The following CSMD1 variants were observed in gnomAD, a reference collection of about 807,000 sequenced individuals.
CSMD1 encodes the protein CUB and Sushi multiple domains 1.
CSMD1 carries 213 observed loss-of-function variants against 417.5 expected under a neutral mutation model. The observed-to-expected ratio is 0.51, with a 90% CI of 0.46 to 0.57. CSMD1 has a LOEUF of 0.57. Among genes scored for constraint, CSMD1 ranks in the 20% least tolerant of loss-of-function variants. The probability of loss-of-function intolerance (pLI) is 0.00; values close to 1 mark genes in which losing one functional copy is unlikely to be tolerated. For synonymous variants in CSMD1, 2,862 were observed against 1,736.8 expected (o/e 1.65, Z -16.11); for missense variants, 6,923 against 4,529.7 (o/e 1.53, Z -15.17).
intron 10 of CSMD1, among the ~76,000 whole-genome samples, chr8:3,523,525 G>GCA (rs375381582): frequency 1.3e-5 from 2 of 151,794 alleles, no homozygotes; most frequent in Admixed American, 1.3e-4. Context: ...GTGAAAATAT[G>GCA]CACACACACA....
intron 3 of CSMD1, among the ~76,000 whole-genome samples, chr8:4,376,323 G>C (rs931917432): frequency 6.6e-6 from 1 of 152,160 alleles, no homozygotes; most frequent in Non-Finnish European, 1.5e-5. Flanking sequence ...ACATTTTCAA[G>C]AAGAGAATAA....
At chr8:3,904,124 C>G (rs937413960) in intron 5 of CSMD1, among the ~76,000 whole-genome samples, 4 of 152,128 alleles carry the variant, frequency 2.6e-5, no homozygotes, top group African/African-American at 9.6e-5. Context: ...GTAATTCGGC[C>G]TTGTAATTAT....
intron 55 of CSMD1, among the ~76,000 whole-genome samples, chr8:2,975,361 A>G (rs1804827440): frequency 6.6e-6 from 1 of 152,242 alleles, no homozygotes; most frequent in South Asian, 2.1e-4. Context: ...AATGAGGGCT[A>G]GCAATGGACA....
intron 41 of CSMD1, among the ~76,000 whole-genome samples, chr8:3,125,656 A>C (rs115049699): frequency 0.021 from 3,255 of 152,292 alleles, 124 homozygotes; most frequent in African/African-American, 0.074. Flanking sequence ...TAGTTCTATA[A>C]GAGTTGTTGT....
chr8:4,196,601 C>T (rs1423897751), intron 3 of CSMD1, among the ~76,000 whole-genome samples: 1 of 152,162 alleles, frequency 6.6e-6, no homozygotes, highest in Non-Finnish European at 1.5e-5. Flanking sequence ...TCATAGCCTT[C>T]TTTGTGAATC....
chr8:4,430,056 G>A (rs1279745120), intron 2 of CSMD1, among the ~76,000 whole-genome samples: 1 of 152,136 alleles, frequency 6.6e-6, no homozygotes, highest in Non-Finnish European at 1.5e-5. Flanking sequence ...GAATCAACCA[G>A]GAAGTATAAA....
intron 3 of CSMD1, among the ~76,000 whole-genome samples, chr8:4,269,883 G>C (rs982264059): frequency 6.6e-6 from 1 of 152,144 alleles, no homozygotes; most frequent in East Asian, 1.9e-4. Flanking sequence ...CATTACTGGA[G>C]TTTATATTAC....
At chr8:3,629,818 C>T (rs976022599) in intron 7 of CSMD1, among the ~76,000 whole-genome samples, 11 of 152,182 alleles carry the variant, frequency 7.2e-5, no homozygotes, top group South Asian at 2.1e-4. Flanking sequence ...GACATAACTT[C>T]GGTCCGTCAG....
intron 8 of CSMD1, among the ~76,000 whole-genome samples, chr8:3,602,164 A>G (rs1032330271): frequency 6.6e-6 from 1 of 152,224 alleles, no homozygotes; most frequent in Non-Finnish European, 1.5e-5. Context: ...TGTGGATTTT[A>G]TCACAATTAA....
chr8:3,134,463 G>A (rs1010508936), intron 41 of CSMD1, among the ~76,000 whole-genome samples: 2 of 152,196 alleles, frequency 1.3e-5, no homozygotes, highest in African/African-American at 4.8e-5. Context: ...TTTCACAGCC[G>A]TAAAACTTGA....
chr8:4,053,484 A>G (rs1391033124), intron 3 of CSMD1, among the ~76,000 whole-genome samples: 1 of 151,916 alleles, frequency 6.6e-6, no homozygotes, highest in Admixed American at 6.6e-5. Context: ...GGCCAACGCA[A>G]TATATTCTTA....
intron 3 of CSMD1, among the ~76,000 whole-genome samples, chr8:4,167,530 T>C (rs181223442): frequency 2.6e-5 from 4 of 152,288 alleles, no homozygotes; most frequent in African/African-American, 9.6e-5. Flanking sequence ...CTACCTCTGA[T>C]TTATATAAAA....
intron 36 of CSMD1, chr8:3,183,069 T>G (rs905011907): frequency 2.0e-5 from 3 of 151,954 alleles, no homozygotes; most frequent in Non-Finnish European, 4.4e-5. Flanking sequence ...AGAAGAGGCT[T>G]TTTAAACATG....
At chr8:4,276,401 A>G (rs893358232) in intron 3 of CSMD1, among the ~76,000 whole-genome samples, 2 of 152,124 alleles carry the variant, frequency 1.3e-5, no homozygotes, top group Admixed American at 1.3e-4. Context: ...ACATGTTTTC[A>G]CTCATAAGTG....
At chr8:3,653,302 T>C (rs563628434) in intron 7 of CSMD1, among the ~76,000 whole-genome samples, 2 of 152,212 alleles carry the variant, frequency 1.3e-5, no homozygotes, top group East Asian at 1.9e-4. Context: ...ACTAAAGTTA[T>C]GGGGGTTCTT....
At chr8:3,888,522 C>T (rs1244865416) in intron 5 of CSMD1, among the ~76,000 whole-genome samples, 2 of 152,164 alleles carry the variant, frequency 1.3e-5, no homozygotes, top group Non-Finnish European at 2.9e-5. Context: ...TTTGCTGGCT[C>T]CCCCATCTGA....
chr8:4,901,142 G>T (rs1804845589), intron 1 of CSMD1, among the ~76,000 whole-genome samples: 1 of 152,196 alleles, frequency 6.6e-6, no homozygotes, highest in Non-Finnish European at 1.5e-5. Context: ...CATGTTCAAA[G>T]TGTCATCTGG....
At chr8:4,173,992 G>C (rs1797904416) in intron 3 of CSMD1, among the ~76,000 whole-genome samples, 1 of 152,176 alleles carries the variant, frequency 6.6e-6, no homozygotes, top group East Asian at 1.9e-4. Context: ...CAAAGGATAT[G>C]TGACCATGCC....
At position 2,989,258 on chromosome 8, in the gene CSMD1, G is replaced by T. The variant is rs117630949; in HGVS notation, c.8377+8753C>A. ...TTTCCTGAAGCTTCACCATCTTTAT[G>T]AGTCTGTCCTCTTTGAAATATTGTT... On this transcript the variant is annotated intron_variant, in intron 54 of 69. Transcript: ENST00000635120. 2.2e-4 allele frequency among the ~76,000 whole-genome samples: 33 copies of T among 152,180 alleles called. 1 individual carries two copies. The highest frequency in any genetic ancestry group is 6.5e-5 in the Admixed American group (1 of 15,278).
Sources: gnomAD v4.1 joint callset for allele counts (sites outside exome capture counted in the v4.1 genomes callset) on GRCh38, gnomAD v4.1.1 for gene constraint, MANE v1.5 for transcripts, NCBI Gene and HGNC (gene_info 2026-07-23, HGNC 2026-07-21) for gene names.